Variants in ZNF383 observed in about 807,000 individuals in gnomAD.
The protein encoded by ZNF383 is zinc finger protein 383.
Under a neutral mutation model 44.2 loss-of-function variants are expected in ZNF383, and 32 were observed. That is an observed-to-expected ratio of 0.72 (90% CI 0.55 to 0.97). The LOEUF is 0.97. Ranked by LOEUF, ZNF383 falls within the 50% of genes least tolerant of loss-of-function variation. ZNF383 has a pLI of 0.00. For synonymous variants in ZNF383, 155 were observed against 186.2 expected, an observed-to-expected ratio of 0.83 and a Z score of 1.36; for missense variants, 487 against 562.5, an observed-to-expected ratio of 0.87 and a Z score of 1.36.
intron 5 of ZNF383, among the ~76,000 whole-genome samples, chr19:37,241,704 C>G (rs964252070): frequency 6.6e-6 from 1 of 152,036 alleles, no homozygotes; most frequent in Admixed American, 6.6e-5. Context: ...TAAGGTCCTA[C>G]CATGAATTAC....
chr19:37,241,142 A>G (rs1974065349), intron 5 of ZNF383, among the ~76,000 whole-genome samples: 1 of 152,092 alleles, frequency 6.6e-6, no homozygotes, highest in Non-Finnish European at 1.5e-5. Flanking sequence ...ATCCTTTATT[A>G]AAGACCTTAT....
At chr19:37,225,945 A>G (rs933958174) in intron 2 of ZNF383, among the ~76,000 whole-genome samples, 1 of 146,962 alleles carries the variant, frequency 6.8e-6, no homozygotes, top group Non-Finnish European at 1.5e-5. Flanking sequence ...GCGCACCACC[A>G]TGTCTAACTA....
chr19:37,226,975 A>T (rs2145487442), intron 2 of ZNF383, among the ~76,000 whole-genome samples: 2 of 151,258 alleles, frequency 1.3e-5, no homozygotes, highest in Middle Eastern at 3.5e-3. Flanking sequence ...TGCCCAGCTA[A>T]TTTTTGTATT....
intron 3 of ZNF383, among the ~76,000 whole-genome samples, chr19:37,232,470 A>G (rs900306025): frequency 5.9e-5 from 9 of 152,150 alleles, no homozygotes; most frequent in Non-Finnish European, 1.2e-4. Context: ...TTGGATACTC[A>G]ATAAATAAAT....
Position 37,243,333 on chromosome 19 carries a change from A to G in ZNF383, c.1097A>G (p.Tyr366Cys), listed in dbSNP as rs1568534221. 1 of 1,613,920 alleles carries G rather than the reference A, an allele frequency of 6.2e-7. No individual in the cohort carries two copies. Among genetic ancestry groups the G allele is most frequent in the Non-Finnish European group, 8.5e-7 (1 of 1,179,948 alleles). Residue 366 changes from tyrosine to cysteine, a missense_variant, in exon 6 of 6, where the codon TAT becomes TGT. Transcript: ENST00000684119. ...HQRIHTGEKPYDCKECGKAFT... is the reference protein window; with the variant it reads ...HQRIHTGEKPCDCKECGKAFT... ...AGAATTCACACTGGTGAGAAACCCT[A>G]TGATTGTAAGGAATGTGGAAAGGCT...
Position 37,247,633 on chromosome 19 carries a change from T to C in ZNF383, c.*3969T>C, listed in dbSNP as rs927419969. ...TGAGGCCAGGAGTTCAAGACCAGTC[T>C]AGGTAACATAATGAGATCCCCCTCC... is the stretch of plus-strand genomic sequence containing the variant. On this transcript the variant is annotated 3_prime_UTR_variant, in exon 6 of 6. Coordinates refer to ENST00000684119, the MANE Select transcript of ZNF383 (RefSeq NM_001387601.1). The C allele has an allele frequency of 2.7e-5, 4 of 150,706 alleles. No individual in the cohort carries two copies. Among genetic ancestry groups the C allele is most frequent in the African/African-American group, 4.9e-5 (2 of 40,880 alleles). The allele number at this position is 150,706 out of a possible 1,614,324, so 9.3% of individuals were successfully genotyped here.
chr19:37,224,290 C>G (rs1973057315), intron 1 of ZNF383, among the ~76,000 whole-genome samples: 1 of 151,982 alleles, frequency 6.6e-6, no homozygotes, highest in Non-Finnish European at 1.5e-5. Flanking sequence ...AAGGCAAAAG[C>G]TTATTTTTGG....
At chr19:37,226,676 TGTAA>T (rs1973183458) in intron 2 of ZNF383, 1 of 152,176 alleles carries the variant, frequency 6.6e-6, no homozygotes, top group Non-Finnish European at 1.5e-5. Context: ...TCAACAGACA[TGTAA>T]GTTTCTATTT....
At position 37,243,465 on chromosome 19, in the gene ZNF383, T is replaced by C. The variant is rs766795094; in HGVS notation, c.1229T>C (p.Phe410Ser). ...GKAFTQNSQLFQHQRIHTDEK... is the reference protein window; with the variant it reads ...GKAFTQNSQLSQHQRIHTDEK... ...GCCTTTACTCAGAACTCACAACTTT[T>C]CCAGCATCAGAGAATTCATACAGAT... The change falls in exon 6 of 6, where the codon TTC (phenylalanine) becomes TCC (serine). Residue 410 changes from phenylalanine to serine, a missense_variant. Phe to Ser is a radical substitution (Grantham distance 155). Coordinates refer to ENST00000684119, the MANE Select transcript of ZNF383 (RefSeq NM_001387601.1). The C allele has an allele frequency of 6.2e-7, 1 of 1,613,994 alleles. No individual in the cohort carries two copies. Among genetic ancestry groups the C allele is most frequent in the Non-Finnish European group, 8.5e-7 (1 of 1,179,892 alleles).
intron 3 of ZNF383, among the ~76,000 whole-genome samples, chr19:37,232,367 C>CA (rs1490524324): frequency 6.6e-6 from 1 of 151,804 alleles, no homozygotes; most frequent in African/African-American, 2.4e-5. Context: ...CATGCCCGGC[C>CA]AAAAATGTTT....
chr19:37,225,645 A>G (rs146357041), intron 2 of ZNF383, among the ~76,000 whole-genome samples: 1 of 152,034 alleles, frequency 6.6e-6, no homozygotes, highest in Non-Finnish European at 1.5e-5. Context: ...CAGTCACAAT[A>G]CCCCAAGATA....
chr19:37,225,425 G>A lies in ZNF383; in HGVS notation c.-46+486G>A, dbSNP rs570852558. Reference sequence around the variant, plus strand: ...TTTTAAATGTACATTCCAGTGTTAAGTATATTCATATTGTACAATAGATCT... The same window carrying A: ...TTTTAAATGTACATTCCAGTGTTAAATATATTCATATTGTACAATAGATCT... On this transcript the variant is annotated intron_variant, in intron 2 of 5. Transcript: ENST00000684119. 2.0e-5 allele frequency among the ~76,000 whole-genome samples: 3 copies of A among 152,198 alleles called. No homozygotes were observed. In the East Asian group the frequency reaches 5.8e-4, roughly 29 times the overall value.
In ZNF383 at chr19:37,230,368, C is replaced by A; in HGVS notation, c.-45-41C>A. 2.1e-6 allele frequency: 3 copies of A among 1,449,756 alleles called. No individual in the cohort carries two copies. The South Asian group carries it at 3.5e-5, about 17-fold the overall frequency. 89.8% of individuals were successfully genotyped at this position (1,449,756 alleles called of 1,614,324 possible). On this transcript the variant is annotated intron_variant, in intron 2 of 5. Coordinates refer to ENST00000684119, the MANE Select transcript of ZNF383 (RefSeq NM_001387601.1). ...CTAGTGTGATTTCTAGAGGGTTTTACTTCCCCAGTCATGCAACCTCAGAAC... is the reference window on the plus strand; with the variant it reads ...CTAGTGTGATTTCTAGAGGGTTTTAATTCCCCAGTCATGCAACCTCAGAAC...
chr19:37,235,723 CCTT>C (rs1486813635), intron 4 of ZNF383, 48 bp downstream of exon 4: 3 of 1,525,530 alleles, frequency 2.0e-6, no homozygotes, highest in Non-Finnish European at 2.6e-6. Context: ...TGGAATGTCT[CCTT>C]CTTCCACAGT....
chr19:37,234,872 G>T (rs1187776917), intron 3 of ZNF383, among the ~76,000 whole-genome samples: 1 of 152,180 alleles, frequency 6.6e-6, no homozygotes, highest in Non-Finnish European at 1.5e-5. Flanking sequence ...ATAACAAGAC[G>T]TTCAGACTCA....
intron 3 of ZNF383, among the ~76,000 whole-genome samples, chr19:37,235,089 A>AATGT (rs889650132): frequency 7.0e-4 from 106 of 152,256 alleles, no homozygotes; most frequent in African/African-American, 2.5e-3. Context: ...CCTGGCCAAC[A>AATGT]TGGTGAAACC....
In ZNF383 at chr19:37,247,037, A is replaced by C. The variant is rs548785112; in HGVS notation, c.*3373A>C. 2.0e-5 allele frequency: 3 copies of C among 152,212 alleles called. No homozygotes were observed. The allele number at this position is 152,212 out of a possible 1,614,324, so 9.4% of individuals were successfully genotyped here. On this transcript the variant is annotated 3_prime_UTR_variant, in exon 6 of 6. Coordinates refer to ENST00000684119, the MANE Select transcript of ZNF383 (RefSeq NM_001387601.1). ...ACATGGGTTAAGGAATAAATCCCTA[A>C]TATATACATTATTTAAATGTACATG...
intron 2 of ZNF383, among the ~76,000 whole-genome samples, chr19:37,229,205 A>G (rs1599787317): frequency 7.6e-6 from 1 of 131,772 alleles, no homozygotes; most frequent in Admixed American, 8.9e-5. Context: ...CCCAGGCTGG[A>G]GTGCAATGGC....
At chr19:37,224,275 T>G (rs1296520980) in intron 1 of ZNF383, among the ~76,000 whole-genome samples, 1 of 152,126 alleles carries the variant, frequency 6.6e-6, no homozygotes, top group African/African-American at 2.4e-5. Flanking sequence ...TGAAGAAAAC[T>G]AACAAAGGCA....
Sources: allele counts gnomAD v4.1 joint callset (sites outside exome capture counted in the v4.1 genomes callset), GRCh38; gene constraint gnomAD v4.1.1; transcripts MANE v1.5; gene names NCBI Gene and HGNC (gene_info 2026-07-23, HGNC 2026-07-21).